The following LAMA2 variants were observed in gnomAD, a reference collection of about 807,000 sequenced individuals.
LAMA2 encodes laminin subunit alpha-2.
A neutral mutation model predicts 364.8 loss-of-function variants in LAMA2; 269 were observed. That is an observed-to-expected ratio of 0.74 (90% CI 0.67 to 0.82). The LOEUF is 0.82. LAMA2 is among the 40% of genes least tolerant of loss of function. The probability of loss-of-function intolerance (pLI) is 0.00; values close to 1 mark genes in which losing one functional copy is unlikely to be tolerated. For synonymous variants in LAMA2, 1,379 were observed against 1,370.6 expected, an observed-to-expected ratio of 1.01 and a Z score of -0.14; for missense variants, 3,807 against 3,873.2, an observed-to-expected ratio of 0.98 and a Z score of 0.45.
chr6:129,005,130 T>C (rs1784364026), intron 1 of LAMA2, among the ~76,000 whole-genome samples: 1 of 151,996 alleles, frequency 6.6e-6, no homozygotes, highest in Admixed American at 6.6e-5. Flanking sequence ...ACTGTCCTCT[T>C]TTTTTTTCTG....
intron 2 of LAMA2, among the ~76,000 whole-genome samples, chr6:129,057,381 A>T (rs1788558101): frequency 1.3e-5 from 2 of 152,120 alleles, no homozygotes; most frequent in South Asian, 4.1e-4. Context: ...AATTTAAATA[A>T]TTGTCCTCCA....
intron 1 of LAMA2, among the ~76,000 whole-genome samples, chr6:128,956,529 T>TA: frequency 6.6e-6 from 1 of 152,118 alleles, no homozygotes; most frequent in South Asian, 2.1e-4. Flanking sequence ...ATAGGAGAGA[T>TA]AAAATGATAG....
chr6:129,240,454 C>T (rs1160034716), intron 12 of LAMA2, among the ~76,000 whole-genome samples: 1 of 152,152 alleles, frequency 6.6e-6, no homozygotes, highest in East Asian at 1.9e-4. Flanking sequence ...CTTGATAGGC[C>T]TTCAAATGTT....
chr6:129,463,323 C>T (rs987697245), intron 49 of LAMA2, among the ~76,000 whole-genome samples: 2 of 151,872 alleles, frequency 1.3e-5, no homozygotes, highest in Non-Finnish European at 2.9e-5. Context: ...TATTCTATGT[C>T]GAAATATTAT....
intron 1 of LAMA2, among the ~76,000 whole-genome samples, chr6:128,975,360 T>C (rs1288924707): frequency 6.6e-6 from 1 of 151,678 alleles, no homozygotes; most frequent in Non-Finnish European, 1.5e-5. Context: ...TGCAGTGGGG[T>C]TGGGAGTAGG....
intron 3 of LAMA2, among the ~76,000 whole-genome samples, chr6:129,086,241 G>T (rs1774380011): frequency 6.6e-6 from 1 of 152,194 alleles, no homozygotes; most frequent in South Asian, 2.1e-4. Flanking sequence ...TGTTGTGTTG[G>T]TTAGATATGT....
In LAMA2 at chr6:129,473,226, T is replaced by C. The variant is rs1021274129; in HGVS notation, c.7313T>C (p.Ile2438Thr). The change falls in exon 52 of 65, where the codon ATT becomes ACT. Residue 2438 changes from isoleucine (I) to threonine (T), a missense_variant. Physicochemically the swap from Ile to Thr is moderately conservative, Grantham distance 89. Transcript: ENST00000421865. ...SRIQKQANIS[I>T]VDIDTNQEEN... ...TTCTCCTTTACAGCCAATATATCAA[T>C]TGTAGATATAGATACTAATCAGGAG... 6.3e-7 allele frequency: 1 copy of C among 1,594,242 alleles called. No homozygotes were observed.
chr6:129,362,496 G>GC (rs1383108380), intron 32 of LAMA2, among the ~76,000 whole-genome samples: 3 of 151,986 alleles, frequency 2.0e-5, no homozygotes, highest in African/African-American at 7.2e-5. Context: ...CACATGCCAT[G>GC]CTCAAACATT....
At chr6:129,275,994 C>T (rs569423170) in intron 17 of LAMA2, among the ~76,000 whole-genome samples, 1 of 152,164 alleles carries the variant, frequency 6.6e-6, no homozygotes, top group South Asian at 2.1e-4. Flanking sequence ...TAAGTGTTTG[C>T]TTAATGATTC....
intron 38 of LAMA2, among the ~76,000 whole-genome samples, chr6:129,402,097 T>C (rs1249027258): frequency 6.6e-6 from 1 of 150,952 alleles, no homozygotes; most frequent in African/African-American, 2.4e-5. Context: ...TAATCCCAGC[T>C]ACTCAGGAGG....
chr6:129,371,247 A>ATG (rs66522065), intron 34 of LAMA2, among the ~76,000 whole-genome samples: 2,856 of 148,374 alleles, frequency 0.019, 46 homozygotes, highest in African/African-American at 0.049. Context: ...GAACTTTGAG[A>ATG]TGTGTGTGTG....
intron 1 of LAMA2, among the ~76,000 whole-genome samples, chr6:128,915,073 G>A (rs1778227861): frequency 6.6e-6 from 1 of 152,130 alleles, no homozygotes; most frequent in Admixed American, 6.6e-5. Context: ...CCTATTCAGT[G>A]GTAGAGATAA....
At chr6:129,337,331 T>C (rs1377670380) in intron 29 of LAMA2, among the ~76,000 whole-genome samples, 2 of 152,212 alleles carry the variant, frequency 1.3e-5, no homozygotes, top group African/African-American at 2.4e-5. Context: ...CTACTATATT[T>C]TGAAAGAAAC....
chr6:129,309,603 C>T (rs897866594), intron 22 of LAMA2, among the ~76,000 whole-genome samples: 1 of 152,164 alleles, frequency 6.6e-6, no homozygotes. Context: ...TGAGTTAATA[C>T]ATACTCAAAG....
At chr6:128,967,230 T>A (rs2114608982) in intron 1 of LAMA2, among the ~76,000 whole-genome samples, 1 of 152,276 alleles carries the variant, frequency 6.6e-6, no homozygotes, top group South Asian at 2.1e-4. Context: ...TCAAGGTAGA[T>A]TCAAGCCCTC....
intron 1 of LAMA2, among the ~76,000 whole-genome samples, chr6:128,924,451 G>T (rs950640531): frequency 2.6e-4 from 39 of 152,152 alleles, no homozygotes; most frequent in African/African-American, 9.2e-4. Context: ...AATTTTCCAG[G>T]TAAGTTTATA....
At chr6:129,414,876 C>A (rs1780704847) in intron 40 of LAMA2, among the ~76,000 whole-genome samples, 1 of 152,210 alleles carries the variant, frequency 6.6e-6, no homozygotes, top group African/African-American at 2.4e-5. Context: ...TTTACTACAT[C>A]TCTTAGTAAT....
chr6:128,883,487 C>T (rs1353057745), intron 1 of LAMA2, 130 bp downstream of exon 1: 32 of 1,450,936 alleles, frequency 2.2e-5, no homozygotes, highest in Non-Finnish European at 3.0e-5. Flanking sequence ...CGCTCTGGGG[C>T]AAGAGGAACT....
chr6:129,516,095 A>T, intron 64 of LAMA2, 95 bp from the exon 65 acceptor site: 1 of 1,364,594 alleles, frequency 7.3e-7, no homozygotes, highest in Non-Finnish European at 1.0e-6. Context: ...CAGCATTCCA[A>T]TTTAATCTCA....
Sources: gnomAD v4.1 joint callset for allele counts (sites outside exome capture counted in the v4.1 genomes callset) on GRCh38, gnomAD v4.1.1 for gene constraint, MANE v1.5 for transcripts, NCBI Gene and HGNC (gene_info 2026-07-23, HGNC 2026-07-21) for gene names.